The following PPP3CA variants were observed in gnomAD, a reference collection of about 807,000 sequenced individuals.
PPP3CA encodes CAM-PRP catalytic subunit.
PPP3CA carries 14 observed loss-of-function variants against 66.5 expected under a neutral mutation model. The ratio of observed to expected loss-of-function variants is 0.21; its 90% CI spans 0.14 to 0.33. The LOEUF (loss-of-function observed/expected upper bound fraction) is 0.33, where lower values mean the gene tolerates loss of function less well. PPP3CA is among the 10% of genes least tolerant of loss of function. PPP3CA has a pLI of 1.00. For synonymous variants in PPP3CA, 232 were observed against 226.2 expected (o/e 1.03, Z -0.23); for missense variants, 317 against 639.5 (o/e 0.50, Z 5.44).
At chr4:101,338,192 A>G (rs1729696549) in intron 1 of PPP3CA, among the ~76,000 whole-genome samples, 1 of 152,304 alleles carries the variant, frequency 6.6e-6, no homozygotes, top group Non-Finnish European at 1.5e-5. Flanking sequence ...TAATCCATTA[A>G]AAGTCAAGCA....
intron 1 of PPP3CA, among the ~76,000 whole-genome samples, chr4:101,215,650 G>A (rs1484309598): frequency 6.6e-6 from 1 of 152,026 alleles, no homozygotes; most frequent in African/African-American, 2.4e-5. Flanking sequence ...CAAGGACTTG[G>A]TGACCATTCT....
intron 1 of PPP3CA, among the ~76,000 whole-genome samples, chr4:101,298,841 CTGTGTGTGTGTGTGTGTGTG>C (rs57507050): frequency 1.4e-5 from 2 of 140,090 alleles, no homozygotes; most frequent in African/African-American, 2.6e-5. Context: ...CAAGGGTCTA[CTGTGTGTGTGTGTGTGTGTG>C]TGTGTGTGTG....
At chr4:101,108,916 C>T (rs144985386) in intron 3 of PPP3CA, 38 bp downstream of exon 3, 90 of 1,591,076 alleles carry the variant, frequency 5.7e-5, no homozygotes, top group Admixed American at 8.5e-5. Flanking sequence ...ACTGTTAATC[C>T]ATAACTGAAC....
chr4:101,206,941 C>A (rs1221276329), intron 1 of PPP3CA, among the ~76,000 whole-genome samples: 1 of 152,026 alleles, frequency 6.6e-6, no homozygotes, highest in Non-Finnish European at 1.5e-5. Context: ...AATAAAGGTA[C>A]CATGGATGCC....
chr4:101,152,058 T>C (rs1007927903), intron 2 of PPP3CA, among the ~76,000 whole-genome samples: 7 of 152,216 alleles, frequency 4.6e-5, no homozygotes, highest in Admixed American at 1.3e-4. Flanking sequence ...TGGTGCAGAT[T>C]TGAGTTGCTA....
intron 1 of PPP3CA, among the ~76,000 whole-genome samples, chr4:101,340,031 T>C (rs2110341057): frequency 6.6e-6 from 1 of 152,356 alleles, no homozygotes; most frequent in South Asian, 2.1e-4. Context: ...TTTAGCTCCA[T>C]ATAAATAAAA....
chr4:101,137,736 A>T (rs1159610316), intron 2 of PPP3CA, among the ~76,000 whole-genome samples: 1 of 152,086 alleles, frequency 6.6e-6, no homozygotes, highest in Non-Finnish European at 1.5e-5. Context: ...ATTAGTTTTA[A>T]CTAGCCAATG....
At chr4:101,055,714 T>G (rs1254878672) in intron 10 of PPP3CA, among the ~76,000 whole-genome samples, 1 of 152,052 alleles carries the variant, frequency 6.6e-6, no homozygotes, top group Non-Finnish European at 1.5e-5. Context: ...ACACCTAAAT[T>G]TTTTACAAGA....
intron 2 of PPP3CA, among the ~76,000 whole-genome samples, chr4:101,135,214 A>C (rs1435562824): frequency 6.7e-6 from 1 of 148,658 alleles, no homozygotes; most frequent in Non-Finnish European, 1.5e-5. Flanking sequence ...AACTTAAAGT[A>C]TAATAACAAT....
In PPP3CA at chr4:101,160,688, A is replaced by G. The variant is rs569973491; in HGVS notation, c.259+35228T>C. Among the ~76,000 whole-genome samples the G allele has an allele frequency of 2.0e-5, 3 of 152,204 alleles. No individual in the cohort carries two copies. The South Asian group carries it at 6.2e-4, about 32-fold the overall frequency. On this transcript the variant is annotated intron_variant, in intron 2 of 13. Transcript: ENST00000394854. ...ACTACTCTAAAAGATAGTGATTTTCATGAATCAATAGCTATTTCTTCTTTT... is the reference window on the plus strand; with the variant it reads ...ACTACTCTAAAAGATAGTGATTTTCGTGAATCAATAGCTATTTCTTCTTTT...
intron 6 of PPP3CA, among the ~76,000 whole-genome samples, chr4:101,092,522 G>C (rs1013919176): frequency 2.0e-5 from 3 of 151,426 alleles, no homozygotes; most frequent in African/African-American, 7.3e-5. Flanking sequence ...GTGCCCTGGC[G>C]GTTTGTTGCA....
chr4:101,086,847 T>C (rs1729694778), intron 6 of PPP3CA, among the ~76,000 whole-genome samples: 1 of 152,240 alleles, frequency 6.6e-6, no homozygotes, highest in Non-Finnish European at 1.5e-5. Flanking sequence ...CTTAAATGCT[T>C]AGCAGCAATC....
intron 1 of PPP3CA, among the ~76,000 whole-genome samples, chr4:101,325,861 T>C (rs758997513): frequency 6.6e-6 from 1 of 152,132 alleles, no homozygotes; most frequent in Non-Finnish European, 1.5e-5. Context: ...TAAAATACTT[T>C]GGCAAAGAAA....
At chr4:101,243,288 G>A (rs1326025188) in intron 1 of PPP3CA, among the ~76,000 whole-genome samples, 1 of 152,088 alleles carries the variant, frequency 6.6e-6, no homozygotes, top group Non-Finnish European at 1.5e-5. Flanking sequence ...TCCTCACATA[G>A]TGCATACTCT....
At position 101,325,627 on chromosome 4, in the gene PPP3CA, T is replaced by C. The variant is rs184623087; in HGVS notation, c.58+21112A>G. Reference sequence around the variant, plus strand: ...ACTCAATAAATATTAGTTATTGCATTGATCTTTTTTTAACAAATGAGTGGC... The same window carrying C: ...ACTCAATAAATATTAGTTATTGCATCGATCTTTTTTTAACAAATGAGTGGC... On this transcript the variant is annotated intron_variant, in intron 1 of 13. Coordinates refer to ENST00000394854, the MANE Select transcript of PPP3CA (RefSeq NM_000944.5). Among the ~76,000 whole-genome samples the C allele has an allele frequency of 1.1e-4, 16 of 152,306 alleles. No individual in the cohort carries two copies. The East Asian group carries it at 2.7e-3, about 26-fold the overall frequency.
At chr4:101,107,750 AT>A in intron 3 of PPP3CA, among the ~76,000 whole-genome samples, 1 of 152,344 alleles carries the variant, frequency 6.6e-6, no homozygotes, top group Non-Finnish European at 1.5e-5. Flanking sequence ...AACCTTAAAT[AT>A]CCCTTTAGCA....
intron 1 of PPP3CA, among the ~76,000 whole-genome samples, chr4:101,270,756 G>T (rs753788743): frequency 1.3e-5 from 2 of 151,984 alleles, no homozygotes; most frequent in Non-Finnish European, 2.9e-5. Flanking sequence ...CCCTACATAA[G>T]ACTTAACAAT....
intron 2 of PPP3CA, among the ~76,000 whole-genome samples, chr4:101,175,774 C>T (rs1724040361): frequency 6.6e-6 from 1 of 152,090 alleles, no homozygotes. Context: ...GAGGAATTGC[C>T]AGTAAGAAAC....
At chr4:101,311,190 T>C (rs150403204) in intron 1 of PPP3CA, among the ~76,000 whole-genome samples, 11 of 152,340 alleles carry the variant, frequency 7.2e-5, no homozygotes, top group Middle Eastern at 3.4e-3. Flanking sequence ...TTATTTAATT[T>C]TCCTCTTCTC....
Sources: gnomAD v4.1 joint callset for allele counts (sites outside exome capture counted in the v4.1 genomes callset) on GRCh38, gnomAD v4.1.1 for gene constraint, MANE v1.5 for transcripts, NCBI Gene and HGNC (gene_info 2026-07-23, HGNC 2026-07-21) for gene names.